Variants in GEMIN5 observed in about 807,000 individuals in gnomAD.
GEMIN5 encodes the protein gem nuclear organelle associated protein 5, also known as gem-associated protein 5.
Under a neutral mutation model 176.9 loss-of-function variants are expected in GEMIN5, and 124 were observed. The ratio of observed to expected loss-of-function variants is 0.70; its 90% confidence interval spans 0.61 to 0.81. The LOEUF (loss-of-function observed/expected upper bound fraction) is 0.81. Among genes scored for constraint, GEMIN5 ranks in the 40% least tolerant of loss-of-function variants. The pLI, the probability that GEMIN5 is intolerant of heterozygous loss-of-function variation, is 0.00. For synonymous variants in GEMIN5, 673 were observed against 665.2 expected, an observed-to-expected ratio of 1.01 and a Z score of -0.18; for missense variants, 1,843 against 1,814.6, an observed-to-expected ratio of 1.02 and a Z score of -0.28.
intron 6 of GEMIN5, 110 bp from the exon 7 acceptor site, chr5:154,927,660 G>T: frequency 1.2e-6 from 1 of 801,000 alleles, no homozygotes; most frequent in Non-Finnish European, 2.0e-6. Context: ...TGTCGTTTAA[G>T]GAGAGAAAAA....
In GEMIN5 at chr5:154,917,967, G is replaced by A; in HGVS notation, c.1637C>T (p.Ala546Val). The A allele has an allele frequency of 6.2e-7, 1 of 1,612,526 alleles. No homozygotes were observed. Among genetic ancestry groups the A allele is most frequent in the East Asian group, 2.2e-5 (1 of 44,856 alleles). Reference protein sequence around the residue: ...LPVHTEISWKADGKIMALGNE... With the variant: ...LPVHTEISWKVDGKIMALGNE... ...GCCAAGAGCCATGATTTTGCCATCT[G>A]CTTTCCAACTTATCTCTGTGTGTAC... Residue 546 changes from alanine (A) to valine (V), a missense_variant, in exon 12 of 28, where the codon GCA (alanine) becomes GTA (valine). Physicochemically the swap from Ala to Val is moderately conservative, Grantham distance 64. Coordinates refer to ENST00000285873, the MANE Select transcript of GEMIN5 (RefSeq NM_015465.5).
intron 15 of GEMIN5, among the ~76,000 whole-genome samples, chr5:154,911,430 T>G (rs1763696960): frequency 6.6e-6 from 1 of 152,156 alleles, no homozygotes; most frequent in African/African-American, 2.4e-5. Context: ...CGAGAATTGC[T>G]TTAACCCAGG....
chr5:154,928,496 A>G (rs1315186316), intron 6 of GEMIN5, 31 bp downstream of exon 6: 2 of 1,609,928 alleles, frequency 1.2e-6, no homozygotes, highest in Admixed American at 3.4e-5. Flanking sequence ...AACAAAATAT[A>G]TCTGAGAAAG....
Position 154,907,571 on chromosome 5 carries a change from C to T in GEMIN5, c.2395+20G>A. On this transcript the variant is annotated intron_variant, in intron 16 of 27. Transcript: ENST00000285873. ...ACACGACCATGAAATCCTAGTGATA[C>T]ACAGGATTCTGCCACATACCCGCTG... The T allele has an allele frequency of 6.4e-7, 1 of 1,569,184 alleles. No individual in the cohort carries two copies. Among genetic ancestry groups the T allele is most frequent in the South Asian group, 1.1e-5 (1 of 90,130 alleles).
chr5:154,917,460 A>G (rs1763837631), intron 12 of GEMIN5, among the ~76,000 whole-genome samples: 1 of 152,208 alleles, frequency 6.6e-6, no homozygotes, highest in Admixed American at 6.5e-5. Context: ...ACCTCAGTGT[A>G]ACAATCTCCT....
rs533184736 is a variant in GEMIN5, at chr5:154,898,518, G to A, written c.3267C>T (p.Leu1089=). 16 of 1,614,188 alleles carry A rather than the reference G, an allele frequency of 9.9e-6. No homozygotes were observed. The African/African-American group carries it at 2.1e-4, about 22-fold the overall frequency. The part of the protein sequence containing the change: ...GEDELSASLA[L]RCAQELLLAN... ...CCAGAAGCAGCTCTTGGGCACATCT[G>A]AGAGCCAGGGAAGCAGACAACTCAT... The change falls in exon 23 of 28, where the codon CTC becomes CTT. Residue 1089 remains leucine, a synonymous_variant. Coordinates refer to ENST00000285873, the MANE Select transcript of GEMIN5 (RefSeq NM_015465.5).
chr5:154,925,746 T>C (rs184434861), intron 8 of GEMIN5, 116 bp downstream of exon 8: 13 of 631,876 alleles, frequency 2.1e-5, no homozygotes, highest in Admixed American at 1.7e-4. Flanking sequence ...TCAAACTTCA[T>C]TGAAAATACT....
At position 154,907,426 on chromosome 5, in the gene GEMIN5, G is replaced by C. The variant is rs957062086; in HGVS notation, c.2395+165C>G. The stretch of plus-strand genomic sequence containing the variant: ...ACTAGAACCCCTTTAAAACTTCAAA[G>C]ATGTTTATTTTAGAGACTTGAATAA... On this transcript the variant is annotated intron_variant, in intron 16 of 27. Coordinates refer to ENST00000285873, the MANE Select transcript of GEMIN5 (RefSeq NM_015465.5). Among the ~76,000 whole-genome samples, 4 of 147,810 alleles carry C rather than the reference G, an allele frequency of 2.7e-5. No individual in the cohort carries two copies. The Admixed American group carries it at 2.7e-4, about 10-fold the overall frequency.
At chr5:154,917,655 T>A (rs1763840248) in intron 12 of GEMIN5, among the ~76,000 whole-genome samples, 1 of 152,158 alleles carries the variant, frequency 6.6e-6, no homozygotes, top group Admixed American at 6.6e-5. Flanking sequence ...AAATGGAGAT[T>A]TATGCAGTTC....
chr5:154,911,549 T>C (rs909820303), intron 15 of GEMIN5, among the ~76,000 whole-genome samples, 178 bp downstream of exon 15: 6 of 152,158 alleles, frequency 3.9e-5, no homozygotes, highest in African/African-American at 1.4e-4. Context: ...AGGTATGCTC[T>C]TTCCTATTGT....
chr5:154,905,363 C>A lies in GEMIN5; in HGVS notation c.2509G>T (p.Glu837Ter). The A allele has an allele frequency of 6.6e-7, 1 of 1,505,366 alleles. No individual in the cohort carries two copies. Among genetic ancestry groups the A allele is most frequent in the Non-Finnish European group, 9.2e-7 (1 of 1,090,328 alleles). 93.3% of individuals were successfully genotyped at this position (1,505,366 alleles called of 1,614,324 possible). A position where few individuals can be genotyped will look rare whatever the true frequency, so the allele number is the denominator to read the frequency against. ...TGTATTTTAATTACTAGATACCAAC[C>A]TGGCTTCTCTTTTGGTGGCTCCTTT... ...LKKEPPKEKP[E>*]TLIKKRKARS... The change falls in exon 17 of 28, where the codon GAA (glutamate) becomes TAA (stop). Residue 837 changes from glutamate to a stop codon, truncating the protein, a stop_gained and splice_region_variant. Coordinates refer to ENST00000285873, the MANE Select transcript of GEMIN5 (RefSeq NM_015465.5). LOFTEE classifies it high-confidence loss of function.
At position 154,937,194 on chromosome 5, in the gene GEMIN5, A is replaced by C. The variant is rs754343339; in HGVS notation, c.167-9T>G. 3.1e-6 allele frequency: 5 copies of C among 1,591,712 alleles called. No homozygotes were observed. In the East Asian group the frequency reaches 1.1e-4, roughly 36 times the overall value. On this transcript the variant is annotated splice_polypyrimidine_tract_variant and intron_variant, in intron 1 of 27. Transcript: ENST00000285873. Reference sequence around the variant, plus strand: ...CACCAACTCTCCTATGACTTTAAGCAAAACCAGACGCTAGGTTAATCGAAG... The same window carrying C: ...CACCAACTCTCCTATGACTTTAAGCCAAACCAGACGCTAGGTTAATCGAAG...
At chr5:154,936,562 A>G (rs1220406823) in intron 2 of GEMIN5, among the ~76,000 whole-genome samples, 1 of 152,250 alleles carries the variant, frequency 6.6e-6, no homozygotes, top group Non-Finnish European at 1.5e-5. Flanking sequence ...GTTCTTATTA[A>G]GTAGGTCTTT....
At chr5:154,904,839 T>C (rs1763537985) in intron 17 of GEMIN5, among the ~76,000 whole-genome samples, 1 of 152,192 alleles carries the variant, frequency 6.6e-6, no homozygotes, top group African/African-American at 2.4e-5. Context: ...TATGATGTAG[T>C]GTCAACAACT....
Position 154,889,380 on chromosome 5 carries a change from A to T in GEMIN5, c.4300T>A (p.Leu1434Ile). The T allele has an allele frequency of 6.2e-7, 1 of 1,610,572 alleles. No homozygotes were observed. The highest frequency in any genetic ancestry group is 1.3e-5 in the African/African-American group (1 of 74,962). ...TTTGCCTCGGTAAGCCTTTTGGTTA[A>T]CTCAGGCAGAGAAAGTGGCTCATTT... ...EKNEPLSLPE[L>I]TKRLTEANQR... The change falls in exon 27 of 28, where the codon TTA becomes ATA. Residue 1434 changes from leucine to isoleucine, a missense_variant. Coordinates refer to ENST00000285873, the MANE Select transcript of GEMIN5 (RefSeq NM_015465.5).
At chr5:154,928,096 T>C (rs926698424) in intron 6 of GEMIN5, among the ~76,000 whole-genome samples, 19 of 152,220 alleles carry the variant, frequency 1.2e-4, no homozygotes, top group African/African-American at 4.3e-4. Flanking sequence ...TGTGAGTATA[T>C]TGGACTACCC....
chr5:154,918,428 T>C (rs949375666), intron 11 of GEMIN5, among the ~76,000 whole-genome samples: 10 of 152,186 alleles, frequency 6.6e-5, no homozygotes, highest in African/African-American at 2.4e-4. Flanking sequence ...TCCCCAAGGC[T>C]GCCTGGGCCC....
At chr5:154,909,073 C>T (rs1763636812) in intron 15 of GEMIN5, among the ~76,000 whole-genome samples, 1 of 151,968 alleles carries the variant, frequency 6.6e-6, no homozygotes. Context: ...ATCCTCCTGC[C>T]TCAGCCTCTT....
intron 9 of GEMIN5, among the ~76,000 whole-genome samples, chr5:154,923,808 G>C (rs1294025829): frequency 6.6e-6 from 1 of 152,160 alleles, no homozygotes; most frequent in Non-Finnish European, 1.5e-5. Context: ...CTGAGGAACT[G>C]AATTTCTATT....
Sources: allele counts gnomAD v4.1 joint callset (sites outside exome capture counted in the v4.1 genomes callset), GRCh38; gene constraint gnomAD v4.1.1; transcripts MANE v1.5; gene names NCBI Gene and HGNC (gene_info 2026-07-23, HGNC 2026-07-21).